The following SLC4A5 variants were observed in gnomAD, a reference collection of about 807,000 sequenced individuals.
The protein encoded by SLC4A5 is solute carrier family 4 member 5.
A neutral mutation model predicts 120.4 loss-of-function variants in SLC4A5; 96 were observed. That is an observed-to-expected ratio of 0.80 (90% CI 0.68 to 0.94). The LOEUF (loss-of-function observed/expected upper bound fraction) is 0.94. Ranked by LOEUF, SLC4A5 falls within the 40% of genes least tolerant of loss-of-function variation. The pLI is 0.00. For synonymous variants in SLC4A5, 550 were observed against 571.1 expected (o/e 0.96, Z 0.53); for missense variants, 1,259 against 1,459.5 (o/e 0.86, Z 2.24).
chr2:74,294,012 C>T (rs928800854), intron 7 of SLC4A5, among the ~76,000 whole-genome samples: 6 of 152,196 alleles, frequency 3.9e-5, no homozygotes, highest in Non-Finnish European at 7.3e-5. Flanking sequence ...GCAAAGGAAA[C>T]ACTCCGTGAC....
chr2:74,295,893 C>T (rs1021543475), intron 7 of SLC4A5, among the ~76,000 whole-genome samples: 10 of 152,158 alleles, frequency 6.6e-5, no homozygotes, highest in Admixed American at 1.3e-4. Context: ...GCCAGGGCAA[C>T]GCTGAGACTA....
At chr2:74,310,798 A>G (rs1363592502) in intron 6 of SLC4A5, among the ~76,000 whole-genome samples, 2 of 152,068 alleles carry the variant, frequency 1.3e-5, no homozygotes, top group East Asian at 3.8e-4. Context: ...TTGTATTGGG[A>G]TAATGCTGAC....
intron 4 of SLC4A5, among the ~76,000 whole-genome samples, chr2:74,330,359 A>G (rs1274127684): frequency 1.7e-3 from 118 of 71,088 alleles, no homozygotes; most frequent in African/African-American, 2.4e-3. Flanking sequence ...CTAGATGGAG[A>G]TGTGTGGTTT....
intron 21 of SLC4A5, 113 bp from the exon 22 acceptor site, chr2:74,235,327 G>A: frequency 1.4e-6 from 1 of 734,116 alleles, no homozygotes; most frequent in East Asian, 2.7e-5. Context: ...GGGCTCTGAA[G>A]GCAGCAGAAC....
intron 3 of SLC4A5, among the ~76,000 whole-genome samples, chr2:74,337,609 G>A (rs1427803959): frequency 1.3e-5 from 2 of 152,204 alleles, no homozygotes; most frequent in South Asian, 2.1e-4. Context: ...TTAGGGAAAT[G>A]CACTGTTTAA....
At chr2:74,248,571 G>A (rs1273665408) in intron 17 of SLC4A5, 85 bp from the exon 18 acceptor site, 16 of 1,498,540 alleles carry the variant, frequency 1.1e-5, no homozygotes, top group African/African-American at 8.3e-5. Context: ...ATCTCTCCAC[G>A]GGCCCAGGCC....
chr2:74,296,537 T>C (rs1017061226), intron 7 of SLC4A5, among the ~76,000 whole-genome samples: 4 of 145,464 alleles, frequency 2.7e-5, no homozygotes, highest in African/African-American at 1.0e-4. Context: ...CCGAGGCAGG[T>C]GGATCACTTG....
intron 14 of SLC4A5, 114 bp from the exon 15 acceptor site, chr2:74,253,242 A>G: frequency 7.9e-7 from 1 of 1,267,970 alleles, no homozygotes; most frequent in East Asian, 2.5e-5. Flanking sequence ...TCCCACTGCC[A>G]ACTCACTCTC....
intron 19 of SLC4A5, 60 bp from the exon 20 acceptor site, chr2:74,242,112 C>T (rs1573017498): frequency 1.3e-6 from 2 of 1,502,068 alleles, no homozygotes; most frequent in Non-Finnish European, 1.8e-6. Context: ...GAGCTGCATT[C>T]CCAACCCCTT....
rs541954711 is a variant in SLC4A5, at chr2:74,271,184, G to A, written c.402-5920C>T. ...TGCAGATCACCTCTGAGATCATGTA[G>A]AATGTCCTCTTTCCTCTCTGTTTTC... is the stretch of plus-strand genomic sequence containing the variant. On this transcript the variant is annotated intron_variant, in intron 8 of 30. Coordinates refer to ENST00000394019, the Ensembl canonical transcript of SLC4A5. Among the ~76,000 whole-genome samples, 5 of 152,246 alleles carry A rather than the reference G, an allele frequency of 3.3e-5. No homozygotes were observed. In the South Asian group the frequency reaches 1.0e-3, roughly 32 times the overall value.
intron 19 of SLC4A5, among the ~76,000 whole-genome samples, chr2:74,243,351 C>G (rs886459104): frequency 1.3e-5 from 2 of 152,244 alleles, no homozygotes; most frequent in African/African-American, 4.8e-5. Context: ...CTGCTGCCCT[C>G]TCTCTTCTTC....
intron 14 of SLC4A5, among the ~76,000 whole-genome samples, chr2:74,253,501 G>A (rs994607947): frequency 4.6e-5 from 7 of 151,988 alleles, no homozygotes; most frequent in Non-Finnish European, 7.4e-5. Flanking sequence ...CCAGCCCTTC[G>A]CCCTTGGAGG....
At chr2:74,300,557 T>C (rs568281422) in intron 7 of SLC4A5, among the ~76,000 whole-genome samples, 1 of 152,312 alleles carries the variant, frequency 6.6e-6, no homozygotes, top group Non-Finnish European at 1.5e-5. Flanking sequence ...TTTTTACCTA[T>C]CATTTAAGAC....
chr2:74,221,599 C>T, intron 29 of SLC4A5, 98 bp from the exon 30 acceptor site: 3 of 1,196,706 alleles, frequency 2.5e-6, no homozygotes, highest in Non-Finnish European at 3.7e-6. Flanking sequence ...TTCTCTAACC[C>T]TAGAGCCAAC....
At chr2:74,259,132 T>C (rs551087685) in intron 12 of SLC4A5, among the ~76,000 whole-genome samples, 6 of 152,326 alleles carry the variant, frequency 3.9e-5, no homozygotes, top group African/African-American at 1.2e-4. Flanking sequence ...GCCCAGTTCA[T>C]GGGAGACCAC....
chr2:74,255,304 T>C lies in SLC4A5; in HGVS notation c.1025+471A>G, dbSNP rs531032072. Among the ~76,000 whole-genome samples, 1 of 152,266 alleles carries C rather than the reference T, an allele frequency of 6.6e-6. No homozygotes were observed. The highest frequency in any genetic ancestry group is 2.1e-4 in the South Asian group (1 of 4,824). ...CTTTTATTATTTATTATTTTTATTT[T>C]TTTTCTGAGACGCAGTCTTGCTCTG... On this transcript the variant is annotated intron_variant, in intron 13 of 30. Transcript: ENST00000394019. The surrounding 1 kb of genome is among the most constrained non-coding windows in gnomAD (Gnocchi z 4.0).
At chr2:74,288,811 C>T (rs116816996) in intron 7 of SLC4A5, among the ~76,000 whole-genome samples, 4 of 152,148 alleles carry the variant, frequency 2.6e-5, no homozygotes, top group Non-Finnish European at 5.9e-5. Flanking sequence ...TCAACATATT[C>T]AAAACAGCTC....
chr2:74,306,873 C>T, intron 6 of SLC4A5: 1 of 631,374 alleles, frequency 1.6e-6, no homozygotes, highest in Non-Finnish European at 2.9e-6. Context: ...TTCCAGCAGG[C>T]AGTGGTAGGT....
chr2:74,262,279 G>A (rs1228435186), intron 10 of SLC4A5, 47 bp from the exon 11 acceptor site: 3 of 1,544,254 alleles, frequency 1.9e-6, no homozygotes, highest in East Asian at 2.3e-5. Flanking sequence ...CCTTGCTGGT[G>A]TAGCGAAGCC....
Sources: allele counts gnomAD v4.1 joint callset (sites outside exome capture counted in the v4.1 genomes callset), GRCh38; gene constraint gnomAD v4.1.1; non-coding constraint Gnocchi (gnomAD v3.1); transcripts MANE v1.5; gene names NCBI Gene and HGNC (gene_info 2026-07-23, HGNC 2026-07-21).